The following SSUH2 variants were observed in gnomAD, a reference collection of about 807,000 sequenced individuals.
SSUH2 encodes ssu-2 homolog.
In SSUH2, 47 loss-of-function variants were observed where a neutral mutation model predicts 55.3. The ratio of observed to expected loss-of-function variants is 0.85; its 90% confidence interval spans 0.67 to 1.08. The LOEUF (loss-of-function observed/expected upper bound fraction) is 1.08, where lower values mean the gene tolerates loss of function less well. SSUH2 is among the 50% of genes least tolerant of loss of function. SSUH2 has a pLI of 0.00. For missense variants in SSUH2, 535 were observed against 490.7 expected (o/e 1.09, Z -0.85); for synonymous variants, 212 against 191.5 (o/e 1.11, Z -0.89).
chr3:8,628,412 G>T (rs553748636), intron 7 of SSUH2, among the ~76,000 whole-genome samples: 26 of 152,202 alleles, frequency 1.7e-4, no homozygotes, highest in Non-Finnish European at 3.5e-4. Flanking sequence ...CTGAATGAAG[G>T]TTTCTGAAAA....
intron 2 of SSUH2, among the ~76,000 whole-genome samples, chr3:8,679,207 A>AGT (rs1553607109): frequency 2.2e-5 from 1 of 45,838 alleles, no homozygotes; most frequent in Non-Finnish European, 4.7e-5. Flanking sequence ...CCCCCATCGC[A>AGT]GGGGGGATGG....
chr3:8,652,884 T>C (rs113395543), intron 7 of SSUH2, among the ~76,000 whole-genome samples: 19 of 152,194 alleles, frequency 1.2e-4, no homozygotes, highest in African/African-American at 4.3e-4. Context: ...AGGTCTATTA[T>C]TTTGGAATAT....
Position 8,627,747 on chromosome 3 carries a change from C to T in SSUH2, c.625G>A (p.Ala209Thr), listed in dbSNP as rs762005243. The change falls in exon 8 of 12, where the codon GCC becomes ACC. Residue 209 changes from alanine to threonine, a missense_variant. Transcript: ENST00000544814. ...AGCTGACATCTCCGGGACTGCTTGG[C>T]TTTGCGCTTGGCTCCGCAGCAGGAT... is the stretch of plus-strand genomic sequence containing the variant. ...CPSCCGAKRK[A>T]KQSRRCQLCA... is the part of the protein sequence containing the mutation. The T allele has an allele frequency of 1.9e-6, 3 of 1,610,528 alleles. No homozygotes were observed. The highest frequency in any genetic ancestry group is 1.1e-5 in the South Asian group (1 of 90,722).
chr3:8,674,495 C>T (rs1394589841), intron 3 of SSUH2, among the ~76,000 whole-genome samples: 1 of 152,156 alleles, frequency 6.6e-6, no homozygotes, highest in East Asian at 1.9e-4. Flanking sequence ...TTCTTGTAGA[C>T]AGCGGTGCTG....
intron 2 of SSUH2, among the ~76,000 whole-genome samples, chr3:8,679,051 G>GGC (rs1368340128): frequency 1.9e-5 from 2 of 103,444 alleles, no homozygotes; most frequent in African/African-American, 3.3e-5. Context: ...CCAAACGCAG[G>GGC]GGAGGAAGCA....
chr3:8,671,684 T>C (rs1316754916), intron 4 of SSUH2, among the ~76,000 whole-genome samples: 2 of 152,136 alleles, frequency 1.3e-5, no homozygotes, highest in Non-Finnish European at 2.9e-5. Flanking sequence ...GCAGGGTGTA[T>C]ACCCCGGTGA....
intron 7 of SSUH2, among the ~76,000 whole-genome samples, chr3:8,650,568 G>T (rs1417533021): frequency 6.6e-6 from 1 of 152,222 alleles, no homozygotes; most frequent in Non-Finnish European, 1.5e-5. Flanking sequence ...AAGGCCACTA[G>T]TAATTTTTAA....
chr3:8,624,263 C>T (rs949357995), intron 10 of SSUH2, among the ~76,000 whole-genome samples: 2 of 152,204 alleles, frequency 1.3e-5, no homozygotes, highest in Non-Finnish European at 2.9e-5. Context: ...CTTCCTCCAC[C>T]CTCCTCCTAA....
At chr3:8,665,306 G>A (rs1169243409) in intron 5 of SSUH2, among the ~76,000 whole-genome samples, 1 of 152,280 alleles carries the variant, frequency 6.6e-6, no homozygotes, top group African/African-American at 2.4e-5. Flanking sequence ...GAGAAGCAAG[G>A]AAGGAGGTAG....
At chr3:8,665,900 G>A (rs563404745) in intron 5 of SSUH2, among the ~76,000 whole-genome samples, 5 of 152,130 alleles carry the variant, frequency 3.3e-5, no homozygotes, top group African/African-American at 9.6e-5. Flanking sequence ...CAAAGTTGTT[G>A]CCAGCTTTTT....
In SSUH2 at chr3:8,627,703, C is replaced by A; in HGVS notation, c.669G>T (p.Arg223Ser). The A allele has an allele frequency of 1.3e-6, 2 of 1,587,658 alleles. No homozygotes were observed. Among genetic ancestry groups the A allele is most frequent in the Non-Finnish European group, 1.7e-6 (2 of 1,166,390 alleles). The change falls in exon 8 of 12, where the codon AGG (arginine) becomes AGT (serine). Residue 223 changes from arginine (R) to serine (S), a missense_variant. Coordinates refer to ENST00000544814, the MANE Select transcript of SSUH2 (RefSeq NM_001256748.3). ...RRCQLCAGSG[R>S]RRCSTCSGRG... ...TGCTGGGGAGATGCCCCTACCTTCG[C>A]CTGCCGGACCCCGCGCACAGCTGAC... is the stretch of plus-strand genomic sequence containing the variant.
At chr3:8,663,908 C>T (rs1323694258) in intron 5 of SSUH2, 7 of 442,182 alleles carry the variant, frequency 1.6e-5, no homozygotes, top group South Asian at 1.1e-4. Flanking sequence ...GAGGGAACTG[C>T]TTTCTGAGTA....
At chr3:8,677,154 C>G (rs564733938) in intron 3 of SSUH2, 2 of 151,956 alleles carry the variant, frequency 1.3e-5, no homozygotes, top group Non-Finnish European at 1.5e-5. Context: ...AGCCCCTCTT[C>G]CCCCCCTTGC....
At chr3:8,680,513 C>A (rs1292188160) in intron 1 of SSUH2, among the ~76,000 whole-genome samples, 1 of 152,062 alleles carries the variant, frequency 6.6e-6, no homozygotes, top group Non-Finnish European at 1.5e-5. Flanking sequence ...AACAGTATCA[C>A]AGGGGTGTTT....
rs1242627517 is a variant in SSUH2, at chr3:8,625,565, G to A, written c.850C>T (p.Leu284Phe). 6.2e-7 allele frequency: 1 copy of A among 1,613,314 alleles called. No homozygotes were observed. Among genetic ancestry groups the A allele is most frequent in the African/African-American group, 1.3e-5 (1 of 74,890 alleles). The change falls in exon 10 of 12, where the codon CTC becomes TTC. Residue 284 changes from leucine (L) to phenylalanine (F), a missense_variant. Physicochemically the swap from Leu to Phe is conservative, Grantham distance 22. Transcript: ENST00000544814. Reference protein sequence around the residue: ...ELLAKAKGENLFKDENSVVYP... With the variant: ...ELLAKAKGENFFKDENSVVYP... ...ACCACCGAGTTTTCATCCTTAAAGA[G>A]GTTTTCTCCTTTGGCTTTAGCAAGG...
intron 2 of SSUH2, among the ~76,000 whole-genome samples, chr3:8,678,324 G>T (rs1004535637): frequency 6.6e-5 from 10 of 152,060 alleles, no homozygotes; most frequent in Non-Finnish European, 1.5e-4. Flanking sequence ...TACACCTCGT[G>T]CTCTATTATG....
chr3:8,634,297 G>A (rs552678861), intron 3 of SSUH2: 79 of 995,586 alleles, frequency 7.9e-5, no homozygotes, highest in African/African-American at 5.9e-4. Context: ...CCTGAGGACC[G>A]TGGGTGGGAC....
chr3:8,653,905 C>T (rs1702681549), intron 7 of SSUH2, among the ~76,000 whole-genome samples: 1 of 152,212 alleles, frequency 6.6e-6, no homozygotes, highest in African/African-American at 2.4e-5. Flanking sequence ...CCTTCCACCC[C>T]ACCCAGTGGG....
rs990942756 is a variant in SSUH2, at chr3:8,619,867, G to A, written c.*1C>T. On this transcript the variant is annotated 3_prime_UTR_variant, in exon 12 of 12. Coordinates refer to ENST00000544814, the MANE Select transcript of SSUH2 (RefSeq NM_001256748.3). ...CAGGCTCTGGGGACAGCCATGCTAT[G>A]TCACACGATGGTACAGCCACAGCAA... 2 of 1,613,140 alleles carry A rather than the reference G, an allele frequency of 1.2e-6. No individual in the cohort carries two copies. The highest frequency in any genetic ancestry group is 1.7e-6 in the Non-Finnish European group (2 of 1,179,716).
Sources: allele counts gnomAD v4.1 joint callset (sites outside exome capture counted in the v4.1 genomes callset), GRCh38; gene constraint gnomAD v4.1.1; transcripts MANE v1.5; gene names NCBI Gene and HGNC (gene_info 2026-07-23, HGNC 2026-07-21).